The following CPPED1 variants were observed in gnomAD, a reference collection of about 807,000 sequenced individuals.
The protein encoded by CPPED1 is serine/threonine-protein phosphatase CPPED1.
Under a neutral mutation model 28.0 loss-of-function variants are expected in CPPED1, and 28 were observed. The ratio of observed to expected loss-of-function variants is 1.00; its 90% CI spans 0.74 to 1.37. The LOEUF is 1.37. CPPED1 is among the 40% of genes most tolerant of loss of function. The probability of loss-of-function intolerance (pLI) is 0.00; values close to 1 mark genes in which losing one functional copy is unlikely to be tolerated. For synonymous variants in CPPED1, 198 were observed against 180.2 expected, an observed-to-expected ratio of 1.10 and a Z score of -0.79; for missense variants, 504 against 416.5, an observed-to-expected ratio of 1.21 and a Z score of -1.83.
chr16:12,745,382 G>T (rs1299542897), intron 2 of CPPED1, among the ~76,000 whole-genome samples: 2 of 152,148 alleles, frequency 1.3e-5, no homozygotes, highest in African/African-American at 4.8e-5. Flanking sequence ...AATGTGCACT[G>T]CAGCACTGTT....
rs2080041690 is a variant in CPPED1 at position 12,704,952 on chromosome 16, G to A, written c.387C>T (p.Asp129=). 6.2e-7 allele frequency: 1 copy of A among 1,614,118 alleles called. No individual in the cohort carries two copies. Residue 129 remains aspartate, a synonymous_variant, in exon 3 of 4, where the codon GAC becomes GAT. Coordinates refer to ENST00000381774, the MANE Select transcript of CPPED1 (RefSeq NM_018340.3). ...TCTCGGCCGTGGGGGTGTTGCCAATGTCATGGTTGCCGCTGACAAGGACCA... is the reference window on the plus strand; with the variant it reads ...TCTCGGCCGTGGGGGTGTTGCCAATATCATGGTTGCCGCTGACAAGGACCA... ...IPLVLVSGNH[D]IGNTPTAETV... is the part of the protein sequence containing the mutation.
Position 12,680,490 on chromosome 16 carries a change from C to A in CPPED1, c.716-15375G>T, listed in dbSNP as rs371864770. Reference sequence around the variant, plus strand: ...ACTGGGAGGTCAGGAGAGTTCAGAGCCTTTCAGCCCTCTAAGGACTACTCA... The same window carrying A: ...ACTGGGAGGTCAGGAGAGTTCAGAGACTTTCAGCCCTCTAAGGACTACTCA... On this transcript the variant is annotated intron_variant, in intron 3 of 3. Coordinates refer to ENST00000381774, the MANE Select transcript of CPPED1 (RefSeq NM_018340.3). Among the ~76,000 whole-genome samples, 131 of 152,164 alleles carry A rather than the reference C, an allele frequency of 8.6e-4. 1 individual carries two copies. The highest frequency in any genetic ancestry group is 3.0e-3 in the African/African-American group (124 of 41,518).
chr16:12,682,276 C>T lies in CPPED1; in HGVS notation c.716-17161G>A, dbSNP rs541533962. Among the ~76,000 whole-genome samples the T allele has an allele frequency of 6.0e-4, 91 of 152,182 alleles. No homozygotes were observed. The highest frequency in any genetic ancestry group is 1.9e-3 in the African/African-American group (79 of 41,520). ...TCTCAAACTCCTGAACTCAGGTGATCGACCCACTTTGGTCTCCCAAAAGTG... is the reference window on the plus strand; with the variant it reads ...TCTCAAACTCCTGAACTCAGGTGATTGACCCACTTTGGTCTCCCAAAAGTG... On this transcript the variant is annotated intron_variant, in intron 3 of 3. Transcript: ENST00000381774. This position sits in a 1 kb window ranked among gnomAD's most constrained non-coding sequence, Gnocchi z 6.1.
At chr16:12,702,413 C>T (rs2080025298) in intron 3 of CPPED1, among the ~76,000 whole-genome samples, 1 of 152,042 alleles carries the variant, frequency 6.6e-6, no homozygotes, top group Admixed American at 6.6e-5. Flanking sequence ...TGGTGTGTGC[C>T]TATAGTCCCA....
Position 12,665,006 on chromosome 16 carries a change from G to A in CPPED1, c.825C>T (p.Pro275=). ...SAIGCQLGRD[P]HGLRVVVVTA... ...TGACCACCACGACTCGGAGCCCGTG[G>A]GGGTCTCTGCCCAGCTGGCATCCAA... The change falls in exon 4 of 4, where the codon CCC becomes CCT. Residue 275 remains proline (P), a synonymous_variant. Transcript: ENST00000381774. The A allele has an allele frequency of 6.2e-7, 1 of 1,611,616 alleles. No homozygotes were observed. Among genetic ancestry groups the A allele is most frequent in the South Asian group, 1.1e-5 (1 of 90,768 alleles).
At chr16:12,679,577 T>C (rs2079894804) in intron 3 of CPPED1, among the ~76,000 whole-genome samples, 1 of 152,180 alleles carries the variant, frequency 6.6e-6, no homozygotes, top group Admixed American at 6.5e-5. Context: ...ACACAAAATT[T>C]CACAAAAATG....
intron 2 of CPPED1, among the ~76,000 whole-genome samples, chr16:12,729,948 A>G (rs762482283): frequency 6.6e-6 from 1 of 151,922 alleles, no homozygotes; most frequent in Non-Finnish European, 1.5e-5. Flanking sequence ...TGCAACCTCA[A>G]CCTCCTGGGC....
intron 3 of CPPED1, among the ~76,000 whole-genome samples, chr16:12,685,079 G>C (rs9652583): frequency 0.19 from 28,671 of 152,154 alleles, 4,436 homozygotes; most frequent in African/African-American, 0.43. Flanking sequence ...TCTGGATCCT[G>C]TCTGTTACTT....
intron 1 of CPPED1, among the ~76,000 whole-genome samples, chr16:12,800,107 CG>C (rs34455601): frequency 0.025 from 3,742 of 152,230 alleles, 102 homozygotes; most frequent in East Asian, 0.14. Flanking sequence ...AAAGACACCC[CG>C]TGCCCAATAG....
At chr16:12,795,221 G>A (rs2080620284) in intron 1 of CPPED1, among the ~76,000 whole-genome samples, 1 of 152,246 alleles carries the variant, frequency 6.6e-6, no homozygotes, top group Non-Finnish European at 1.5e-5. Context: ...CAGATGCAAA[G>A]AGAAGGTAAC....
intron 1 of CPPED1, among the ~76,000 whole-genome samples, chr16:12,800,790 C>T (rs1423627030): frequency 6.6e-6 from 1 of 152,116 alleles, no homozygotes; most frequent in Non-Finnish European, 1.5e-5. Context: ...CTGCCATGTC[C>T]TAGGACTCTC....
At chr16:12,786,613 A>G (rs2080564837) in intron 1 of CPPED1, among the ~76,000 whole-genome samples, 1 of 152,156 alleles carries the variant, frequency 6.6e-6, no homozygotes, top group African/African-American at 2.4e-5. Context: ...ACTAAGTGTC[A>G]AGATTCTTTG....
intron 2 of CPPED1, among the ~76,000 whole-genome samples, chr16:12,747,384 A>G (rs1160367917): frequency 6.6e-6 from 1 of 151,930 alleles, no homozygotes; most frequent in East Asian, 1.9e-4. Flanking sequence ...GGGAGCCATG[A>G]TTGCACCACT....
intron 2 of CPPED1, among the ~76,000 whole-genome samples, chr16:12,730,390 G>A (rs747029133): frequency 6.6e-6 from 1 of 152,154 alleles, no homozygotes; most frequent in African/African-American, 2.4e-5. Flanking sequence ...GGCAGTATTT[G>A]CCAAAGACAA....
intron 1 of CPPED1, among the ~76,000 whole-genome samples, chr16:12,785,701 T>C (rs1203315007): frequency 6.6e-6 from 1 of 152,148 alleles, no homozygotes; most frequent in Non-Finnish European, 1.5e-5. Flanking sequence ...CCCAAAGTAC[T>C]GGGATTATAG....
rs530051463 is a variant in CPPED1, at chr16:12,670,839, A to G, written c.716-5724T>C. 2.4e-4 allele frequency among the ~76,000 whole-genome samples: 37 copies of G among 152,070 alleles called. No individual in the cohort carries two copies. Among genetic ancestry groups the G allele is most frequent in the Non-Finnish European group, 4.1e-4 (28 of 68,006 alleles). On this transcript the variant is annotated intron_variant, in intron 3 of 3. Transcript: ENST00000381774. This position sits in a 1 kb window ranked among gnomAD's most constrained non-coding sequence, Gnocchi z 4.2. Reference sequence around the variant, plus strand: ...ATGATCCATGTGTTTTTATTTTTTTAATTATTTATTTATTTTTAATATATT... The same window carrying G: ...ATGATCCATGTGTTTTTATTTTTTTGATTATTTATTTATTTTTAATATATT...
chr16:12,754,446 C>T (rs1318958209), intron 2 of CPPED1, among the ~76,000 whole-genome samples: 2 of 152,172 alleles, frequency 1.3e-5, no homozygotes, highest in African/African-American at 4.8e-5. Flanking sequence ...ATTTAATACA[C>T]TCAGGGAAGG....
intron 2 of CPPED1, among the ~76,000 whole-genome samples, chr16:12,773,941 T>C (rs762171249): frequency 1.1e-4 from 17 of 152,100 alleles, no homozygotes; most frequent in Non-Finnish European, 1.9e-4. Flanking sequence ...GAAAACAGTG[T>C]GCCCAGGGAA....
intron 3 of CPPED1, among the ~76,000 whole-genome samples, chr16:12,688,213 C>T (rs1168936014): frequency 6.6e-6 from 1 of 151,874 alleles, no homozygotes; most frequent in East Asian, 1.9e-4. Flanking sequence ...AGAGGAACCA[C>T]ACCCCTATCC....
Sources: gnomAD v4.1 joint callset for allele counts (sites outside exome capture counted in the v4.1 genomes callset) on GRCh38, gnomAD v4.1.1 for gene constraint, Gnocchi (gnomAD v3.1) non-coding constraint, MANE v1.5 for transcripts, NCBI Gene and HGNC (gene_info 2026-07-23, HGNC 2026-07-21) for gene names.